Variants in NKAIN2 observed in about 807,000 individuals in gnomAD.
NKAIN2 encodes sodium/potassium transporting ATPase interacting 2, also known as sodium/potassium-transporting ATPase subunit beta-1-interacting protein 2.
In NKAIN2, 14 loss-of-function variants were observed where a neutral mutation model predicts 32.6. The ratio of observed to expected loss-of-function variants is 0.43; its 90% CI spans 0.28 to 0.67. NKAIN2 has a LOEUF of 0.67. NKAIN2 is among the 30% of genes least tolerant of loss of function. The pLI is 0.17. For synonymous variants in NKAIN2, 80 were observed against 87.2 expected, an observed-to-expected ratio of 0.92 and a Z score of 0.46; for missense variants, 198 against 258.3, an observed-to-expected ratio of 0.77 and a Z score of 1.60.
intron 4 of NKAIN2, among the ~76,000 whole-genome samples, chr6:124,728,054 A>C (rs1198781726): frequency 6.6e-6 from 1 of 151,656 alleles, no homozygotes; most frequent in Non-Finnish European, 1.5e-5. Context: ...CCGGATTAAT[A>C]AAGCAAGTCC....
chr6:124,260,240 C>A (rs1794175652), intron 1 of NKAIN2, among the ~76,000 whole-genome samples: 1 of 152,064 alleles, frequency 6.6e-6, no homozygotes, highest in African/African-American at 2.4e-5. Context: ...AAAATCTCAG[C>A]CTTCAAGGAG....
At chr6:124,067,085 C>T (rs1783226270) in intron 1 of NKAIN2, among the ~76,000 whole-genome samples, 1 of 152,052 alleles carries the variant, frequency 6.6e-6, no homozygotes, top group Non-Finnish European at 1.5e-5. Flanking sequence ...AGGTTTCTCC[C>T]TAGATTTTAA....
intron 3 of NKAIN2, among the ~76,000 whole-genome samples, chr6:124,585,937 G>A (rs1055802187): frequency 1.3e-5 from 2 of 152,200 alleles, no homozygotes; most frequent in South Asian, 2.1e-4. Flanking sequence ...GCCTAAAGAA[G>A]AGGCATGAAG....
chr6:124,126,521 G>C (rs1786173094), intron 1 of NKAIN2, among the ~76,000 whole-genome samples: 1 of 152,108 alleles, frequency 6.6e-6, no homozygotes. Flanking sequence ...TTGATGAATT[G>C]TCCATGGTCT....
intron 4 of NKAIN2, among the ~76,000 whole-genome samples, chr6:124,748,828 C>A (rs569208324): frequency 7.0e-6 from 1 of 142,636 alleles, no homozygotes; most frequent in Non-Finnish European, 1.5e-5. Context: ...GCTACTTTCC[C>A]CAGCTCTGAT....
chr6:124,641,800 C>T (rs1784004368), intron 3 of NKAIN2, among the ~76,000 whole-genome samples: 2 of 151,954 alleles, frequency 1.3e-5, no homozygotes, highest in Non-Finnish European at 2.9e-5. Context: ...GGTGATCCAC[C>T]TGCCTTAGCC....
intron 2 of NKAIN2, among the ~76,000 whole-genome samples, chr6:124,351,427 C>G (rs951104875): frequency 6.6e-6 from 1 of 150,978 alleles, no homozygotes; most frequent in Non-Finnish European, 1.5e-5. Flanking sequence ...ATTACCTGAA[C>G]CAGTGCAGTT....
At chr6:124,429,178 C>T (rs890956842) in intron 3 of NKAIN2, among the ~76,000 whole-genome samples, 6 of 151,446 alleles carry the variant, frequency 4.0e-5, no homozygotes, top group South Asian at 2.1e-4. Flanking sequence ...GCTGGGATCA[C>T]GGGTGCCCAC....
chr6:124,595,022 G>A (rs533731192), intron 3 of NKAIN2, among the ~76,000 whole-genome samples: 2 of 152,236 alleles, frequency 1.3e-5, no homozygotes, highest in South Asian at 4.1e-4. Context: ...AGGAAAAGAG[G>A]TTGTGTTGGA....
intron 4 of NKAIN2, among the ~76,000 whole-genome samples, chr6:124,663,480 CAGATCTGCA>C (rs1324081663): frequency 2.0e-5 from 3 of 151,762 alleles, no homozygotes; most frequent in Non-Finnish European, 4.4e-5. Flanking sequence ...CTAAATTAGC[CAGATCTGCA>C]GCTTCACAGT....
At chr6:124,066,874 G>T (rs1379529348) in intron 1 of NKAIN2, among the ~76,000 whole-genome samples, 3 of 100,302 alleles carry the variant, frequency 3.0e-5, no homozygotes, top group Non-Finnish European at 5.8e-5. Flanking sequence ...GTGTGTGTGT[G>T]TGTGTGTGTG....
At chr6:123,837,179 T>C (rs1774663786) in intron 1 of NKAIN2, among the ~76,000 whole-genome samples, 1 of 152,162 alleles carries the variant, frequency 6.6e-6, no homozygotes, top group African/African-American at 2.4e-5. Context: ...TATATAGCAT[T>C]TGATTTATGC....
intron 1 of NKAIN2, among the ~76,000 whole-genome samples, chr6:124,006,371 A>G (rs553028357): frequency 2.8e-4 from 43 of 152,334 alleles, no homozygotes; most frequent in Non-Finnish European, 4.9e-4. Context: ...AAAAGCTGGT[A>G]TGCCAAATTG....
intron 4 of NKAIN2, among the ~76,000 whole-genome samples, chr6:124,731,683 C>T (rs1776682996): frequency 6.7e-6 from 1 of 149,982 alleles, no homozygotes; most frequent in South Asian, 2.1e-4. Context: ...ACAATGTGCA[C>T]ATGTACCCTA....
chr6:124,274,335 T>A (rs1184282521), intron 1 of NKAIN2, among the ~76,000 whole-genome samples: 1 of 152,196 alleles, frequency 6.6e-6, no homozygotes, highest in Non-Finnish European at 1.5e-5. Context: ...TATAGGAATT[T>A]GCAAACCATG....
chr6:123,914,215 G>A (rs1015067892), intron 1 of NKAIN2, among the ~76,000 whole-genome samples: 14 of 50,178 alleles, frequency 2.8e-4, no homozygotes, highest in African/African-American at 5.3e-4. Context: ...TGTGTATGAC[G>A]AGAGAGAGAG....
At chr6:124,660,677 G>T (rs1266085738) in intron 4 of NKAIN2, among the ~76,000 whole-genome samples, 1 of 152,146 alleles carries the variant, frequency 6.6e-6, no homozygotes, top group South Asian at 2.1e-4. Flanking sequence ...CTTTCCAGGG[G>T]TGTACTACTT....
rs1385495179 is a variant in NKAIN2, at chr6:123,952,706, T to A, written c.54+148452T>A. Reference sequence around the variant, plus strand: ...AGCTTTTGAATATATTTTTATTCTATTTACTGAATTTTTCAGTTTCATAAT... The same window carrying A: ...AGCTTTTGAATATATTTTTATTCTAATTACTGAATTTTTCAGTTTCATAAT... On this transcript the variant is annotated intron_variant, in intron 1 of 6. Coordinates refer to ENST00000368417, the MANE Select transcript of NKAIN2 (RefSeq NM_001040214.3). Among the ~76,000 whole-genome samples the A allele has an allele frequency of 2.6e-5, 4 of 152,282 alleles. No homozygotes were observed. The East Asian group carries it at 7.7e-4, about 29-fold the overall frequency.
intron 4 of NKAIN2, among the ~76,000 whole-genome samples, chr6:124,691,030 G>GA (rs1554252343): frequency 6.6e-6 from 1 of 152,146 alleles, no homozygotes; most frequent in African/African-American, 2.4e-5. Flanking sequence ...GAAGGAGGGG[G>GA]AAAAACAGAA....
Sources: gnomAD v4.1 joint callset for allele counts (sites outside exome capture counted in the v4.1 genomes callset) on GRCh38, gnomAD v4.1.1 for gene constraint, MANE v1.5 for transcripts, NCBI Gene and HGNC (gene_info 2026-07-23, HGNC 2026-07-21) for gene names.